NRK: variants seen among roughly 807,000 people sequenced by gnomAD.
The protein encoded by NRK is nik-related protein kinase.
A neutral mutation model predicts 125.2 loss-of-function variants in NRK; 67 were observed. The ratio of observed to expected loss-of-function variants is 0.54; its 90% confidence interval spans 0.44 to 0.66. NRK has a LOEUF of 0.66. NRK is among the 30% of genes least tolerant of loss of function. NRK has a pLI of 0.00. For missense variants in NRK, 1,224 were observed against 1,192.9 expected, an observed-to-expected ratio of 1.03 and a Z score of -0.38; for synonymous variants, 458 against 429.0, an observed-to-expected ratio of 1.07 and a Z score of -0.84.
At chrX:105,935,631 T>C (rs982940449) in intron 21 of NRK, among the ~76,000 whole-genome samples, 4 of 108,292 alleles carry the variant, frequency 3.7e-5, no homozygotes, top group Admixed American at 3.0e-4. Context: ...GTACTAAAAA[T>C]ACAAAAAAAT....
chrX:105,832,993 C>T (rs1259080062), intron 2 of NRK, among the ~76,000 whole-genome samples: 1 of 110,525 alleles, frequency 9.0e-6, no homozygotes, highest in East Asian at 2.9e-4. Context: ...TACACCACTG[C>T]CCTCCAGTTT....
At chrX:105,926,583 C>T (rs900492936) in intron 19 of NRK, among the ~76,000 whole-genome samples, 6 of 111,028 alleles carry the variant, frequency 5.4e-5, no homozygotes, top group Non-Finnish European at 1.1e-4. Context: ...AACCAATGTC[C>T]ACAAGCATTT....
At chrX:105,831,356 TAA>T (rs760567404) in intron 2 of NRK, among the ~76,000 whole-genome samples, 121 of 111,848 alleles carry the variant, frequency 1.1e-3, no homozygotes, top group South Asian at 2.6e-3. Flanking sequence ...TAGCAGAAAA[TAA>T]AGTCACCAAT....
chrX:105,826,305 T>C (rs1602585110), intron 1 of NRK, among the ~76,000 whole-genome samples: 1 of 86,568 alleles, frequency 1.2e-5, no homozygotes, highest in East Asian at 3.4e-4. Flanking sequence ...ATATATATAA[T>C]AGATAATATA....
upstream of NRK, among the ~76,000 whole-genome samples, chrX:105,822,226 CG>C (rs1415893988): frequency 9.7e-6 from 1 of 103,436 alleles, no homozygotes; most frequent in Non-Finnish European, 2.0e-5. Flanking sequence ...ACCGGTTTTC[CG>C]GGGCTGGCAG....
intron 2 of NRK, among the ~76,000 whole-genome samples, chrX:105,846,262 T>C (rs189808899): frequency 2.3e-4 from 26 of 111,649 alleles, no homozygotes; most frequent in Non-Finnish European, 3.6e-4. Flanking sequence ...TAGAGCCCCA[T>C]TGCATGCGGT....
At chrX:105,945,529 A>G (rs1170304521) in intron 24 of NRK, among the ~76,000 whole-genome samples, 2 of 111,475 alleles carry the variant, frequency 1.8e-5, no homozygotes, top group Non-Finnish European at 3.8e-5. Context: ...ATCTCCCTAA[A>G]TTGGGCCTTG....
At chrX:105,927,339 A>G (rs2040537770) in intron 19 of NRK, among the ~76,000 whole-genome samples, 1 of 111,727 alleles carries the variant, frequency 9.0e-6, no homozygotes, top group Admixed American at 9.5e-5. Flanking sequence ...GTATCTTGCA[A>G]CTTTACTGAA....
chrX:105,832,383 T>A (rs913938486), intron 2 of NRK, among the ~76,000 whole-genome samples: 2 of 111,400 alleles, frequency 1.8e-5, no homozygotes, highest in African/African-American at 6.5e-5. Context: ...ATCACACTGA[T>A]CAGGTACCTT....
chrX:105,931,594 G>A (rs906508714), intron 19 of NRK, among the ~76,000 whole-genome samples: 1 of 110,520 alleles, frequency 9.0e-6, no homozygotes, highest in African/African-American at 3.3e-5. Flanking sequence ...GGGGAGATGG[G>A]GCAGCAGAAG....
intron 2 of NRK, among the ~76,000 whole-genome samples, chrX:105,841,879 A>T (rs1419642905): frequency 1.8e-5 from 2 of 111,432 alleles, no homozygotes; most frequent in East Asian, 5.7e-4. Flanking sequence ...TAAGAGCATT[A>T]TGAGGTAGCT....
chrX:105,824,427 G>T (rs1311766368), intron 1 of NRK, among the ~76,000 whole-genome samples: 1 of 110,308 alleles, frequency 9.1e-6, no homozygotes, highest in East Asian at 2.9e-4. Context: ...AACATTCTCT[G>T]CCTATGATTG....
intron 2 of NRK, among the ~76,000 whole-genome samples, chrX:105,842,273 GA>G (rs1028816477): frequency 9.0e-6 from 1 of 111,168 alleles, no homozygotes; most frequent in Non-Finnish European, 1.9e-5. Flanking sequence ...ATAGATTTCA[GA>G]AATGGATGTG....
chrX:105,900,062 G>A (rs1477814032), intron 8 of NRK, among the ~76,000 whole-genome samples: 2 of 108,167 alleles, frequency 1.8e-5, no homozygotes, highest in Non-Finnish European at 3.8e-5. Flanking sequence ...ACACTCTGAA[G>A]AAAAAAAGTA....
chrX:105,917,029 A>G (rs1055078763), intron 15 of NRK, among the ~76,000 whole-genome samples: 2 of 111,500 alleles, frequency 1.8e-5, no homozygotes, highest in Admixed American at 1.9e-4. Flanking sequence ...TGTAAAATTT[A>G]GCAGCATTAG....
chrX:105,923,461 A>C lies in NRK; in HGVS notation c.2954A>C (p.Tyr985Ser), dbSNP rs2040480043. 8.8e-7 allele frequency: 1 copy of C among 1,135,558 alleles called. No individual in the cohort carries two copies. Among genetic ancestry groups the C allele is most frequent in the African/African-American group, 1.8e-5 (1 of 54,793 alleles). 93.6% of individuals were successfully genotyped at this position (1,135,558 alleles called of 1,213,427 possible). Residue 985 changes from tyrosine (Y) to serine (S), a missense_variant, in exon 18 of 29, where the codon TAT (tyrosine) becomes TCT (serine). Transcript: ENST00000243300. ...KFVDDVNNNY[Y>S]EAPSCPRASY... The stretch of plus-strand genomic sequence containing the variant: ...GTTGATGATGTAAATAATAATTATT[A>C]TGAGGCGCCTAGTTGTCCAAGGTTG...
chrX:105,844,011 G>C (rs5962591), intron 2 of NRK, among the ~76,000 whole-genome samples: 5,358 of 87,160 alleles, frequency 0.061, 394 homozygotes, highest in African/African-American at 0.24. Context: ...GTGTGTGTGT[G>C]TGTGTGTCTG....
At chrX:105,829,779 A>G (rs2039161686) in intron 1 of NRK, among the ~76,000 whole-genome samples, 1 of 111,743 alleles carries the variant, frequency 8.9e-6, no homozygotes, top group South Asian at 3.7e-4. Context: ...TGCAAAGTTT[A>G]ACTTTTAAAA....
chrX:105,888,654 T>A (rs2039978733), intron 5 of NRK, among the ~76,000 whole-genome samples: 2 of 111,046 alleles, frequency 1.8e-5, no homozygotes, highest in African/African-American at 6.6e-5. Context: ...GAGTTTTCAT[T>A]GACTCACAGT....
Sources: allele counts gnomAD v4.1 joint callset (sites outside exome capture counted in the v4.1 genomes callset), GRCh38; gene constraint gnomAD v4.1.1; transcripts MANE v1.5; gene names NCBI Gene and HGNC (gene_info 2026-07-23, HGNC 2026-07-21).